The following CNIH3 variants were observed in gnomAD, a reference collection of about 807,000 sequenced individuals.
The protein encoded by CNIH3 is protein cornichon homolog 3.
A neutral mutation model predicts 24.1 loss-of-function variants in CNIH3; 14 were observed. That is an observed-to-expected ratio of 0.58 (90% CI 0.38 to 0.91). The LOEUF is 0.91. Among genes scored for constraint, CNIH3 ranks in the 40% least tolerant of loss-of-function variants. CNIH3 has a pLI of 0.00. For synonymous variants in CNIH3, 68 were observed against 73.8 expected, an observed-to-expected ratio of 0.92 and a Z score of 0.40; for missense variants, 178 against 196.8, an observed-to-expected ratio of 0.90 and a Z score of 0.57.
At chr1:224,691,972 A>G (rs1463112054) in intron 3 of CNIH3, among the ~76,000 whole-genome samples, 3 of 152,198 alleles carry the variant, frequency 2.0e-5, no homozygotes, top group South Asian at 2.1e-4. Flanking sequence ...AGAAAGATCT[A>G]TGTTGCTTTG....
intron 1 of CNIH3, among the ~76,000 whole-genome samples, chr1:224,520,753 C>G (rs1678591582): frequency 6.6e-6 from 1 of 152,164 alleles, no homozygotes; most frequent in Non-Finnish European, 1.5e-5. Context: ...TGACTGAACT[C>G]CTGCTTATTC....
intron 1 of CNIH3, among the ~76,000 whole-genome samples, chr1:224,439,617 A>G (rs1056426478): frequency 6.6e-6 from 1 of 151,732 alleles, no homozygotes; most frequent in African/African-American, 2.4e-5. Context: ...ACTTTTATTT[A>G]TATATTTATT....
At chr1:224,523,108 G>C (rs1678705910) in intron 2 of CNIH3, among the ~76,000 whole-genome samples, 1 of 152,048 alleles carries the variant, frequency 6.6e-6, no homozygotes, top group African/African-American at 2.4e-5. Context: ...GCATGGTACT[G>C]TGTACTTGTA....
Position 224,470,744 on chromosome 1 carries a change from C to T in CNIH3, n.203+35882C>T, listed in dbSNP as rs146879566. ...AAGCGCTGGGTTTACAGGCACAAGC[C>T]ACCATGCCTGGCCATCTCTTTCAGT... On this transcript the variant is annotated intron_variant and non_coding_transcript_variant, in intron 1 of 5. Transcript: ENST00000471578. Among the ~76,000 whole-genome samples the T allele has an allele frequency of 1.1e-4, 17 of 152,322 alleles. No homozygotes were observed. The East Asian group carries it at 2.3e-3, about 21-fold the overall frequency.
intron 5 of CNIH3, among the ~76,000 whole-genome samples, 157 bp from the exon 6 acceptor site, chr1:224,739,172 T>A (rs537936297): frequency 6.6e-6 from 1 of 151,850 alleles, no homozygotes; most frequent in East Asian, 1.9e-4. Context: ...GGCACAGTAG[T>A]GGAGTTGGCG....
intron 4 of CNIH3, among the ~76,000 whole-genome samples, chr1:224,580,742 G>A (rs569018338): frequency 4.6e-5 from 7 of 151,556 alleles, no homozygotes; most frequent in African/African-American, 1.2e-4. Flanking sequence ...CAGGAGAATC[G>A]CTTGAACCAG....
chr1:224,617,557 C>T (rs1373998300), intron 1 of CNIH3, among the ~76,000 whole-genome samples: 15 of 152,360 alleles, frequency 9.8e-5, no homozygotes, highest in Non-Finnish European at 1.5e-5. Context: ...CTTCCTCTCC[C>T]GCCCCGTCCT....
chr1:224,607,727 G>A (rs965198082), intron 3 of CNIH3, among the ~76,000 whole-genome samples: 4 of 152,062 alleles, frequency 2.6e-5, no homozygotes, highest in African/African-American at 4.8e-5. Flanking sequence ...TAAAAGTCTC[G>A]GGGCCTACAA....
chr1:224,572,056 G>T (rs183549667), intron 4 of CNIH3, among the ~76,000 whole-genome samples: 1 of 152,200 alleles, frequency 6.6e-6, no homozygotes, highest in African/African-American at 2.4e-5. Context: ...TTATAGGGAG[G>T]TGGTCGCCAG....
At chr1:224,600,437 C>G (rs1217782565) in intron 3 of CNIH3, among the ~76,000 whole-genome samples, 18 of 152,190 alleles carry the variant, frequency 1.2e-4, no homozygotes, top group Admixed American at 1.2e-3. Flanking sequence ...GGTGACCTGC[C>G]TGCCTTGGCC....
chr1:224,521,986 G>A (rs769225389), intron 2 of CNIH3, among the ~76,000 whole-genome samples: 3 of 152,180 alleles, frequency 2.0e-5, no homozygotes, highest in Non-Finnish European at 4.4e-5. Flanking sequence ...AGGCAATAAA[G>A]TTCTCCTATC....
In CNIH3 at chr1:224,516,045, G is replaced by A. The variant is rs908589338; in HGVS notation, n.15+169G>A. On this transcript the variant is annotated intron_variant and non_coding_transcript_variant, in intron 1 of 2. Coordinates refer to the CNIH3 transcript ENST00000470602. ...AAAAATCCATGAACTGCCCAGGCGC[G>A]GTGGCTTACCCCTGTAATCCCAGCA... Among the ~76,000 whole-genome samples the A allele has an allele frequency of 2.0e-5, 3 of 152,086 alleles. No homozygotes were observed. In the East Asian group the frequency reaches 5.8e-4, roughly 29 times the overall value.
rs914324464 is a variant in CNIH3, at chr1:224,604,747, C to T, written n.402+38483C>T. On this transcript the variant is annotated intron_variant and non_coding_transcript_variant, in intron 3 of 7. Transcript: ENST00000478120. The surrounding 1 kb of genome is among the most constrained non-coding windows in gnomAD (Gnocchi z 4.4). ...CCTTGCCGGTGACACCTGGCCCAGG[C>T]GTCACTTGGCCATGCTGACATGCCC... Among the ~76,000 whole-genome samples the T allele has an allele frequency of 1.5e-4, 23 of 152,280 alleles. No homozygotes were observed. The highest frequency in any genetic ancestry group is 2.9e-4 in the African/African-American group (12 of 41,552).
intron 3 of CNIH3, among the ~76,000 whole-genome samples, chr1:224,728,655 G>A (rs1572827502): frequency 1.3e-5 from 2 of 152,314 alleles, no homozygotes; most frequent in East Asian, 3.9e-4. Context: ...CTCTGTGTCT[G>A]CCATCTGGGG....
intron 3 of CNIH3, among the ~76,000 whole-genome samples, chr1:224,693,749 G>A (rs1187074886): frequency 6.6e-6 from 1 of 152,224 alleles, no homozygotes; most frequent in Non-Finnish European, 1.5e-5. Flanking sequence ...AAATTCCTAT[G>A]CTAGGATCGT....
chr1:224,739,221 G>A (rs1000618494), intron 5 of CNIH3, 108 bp from the exon 6 acceptor site: 25 of 1,519,938 alleles, frequency 1.6e-5, no homozygotes, highest in East Asian at 2.4e-5. Context: ...AAGCCAAGGG[G>A]TCTGGCCTCT....
chr1:224,492,834 A>AT (rs1388371621), intron 1 of CNIH3, among the ~76,000 whole-genome samples: 1 of 152,082 alleles, frequency 6.6e-6, no homozygotes, highest in Non-Finnish European at 1.5e-5. Flanking sequence ...TTTATTGCAT[A>AT]TTTTTTTGAC....
At chr1:224,544,940 G>T (rs1425915113) in intron 2 of CNIH3, among the ~76,000 whole-genome samples, 1 of 152,154 alleles carries the variant, frequency 6.6e-6, no homozygotes, top group Non-Finnish European at 1.5e-5. Flanking sequence ...CAGGCTTCTG[G>T]CCTGAGGGAG....
intron 3 of CNIH3, among the ~76,000 whole-genome samples, chr1:224,609,497 T>C (rs1682585466): frequency 6.6e-6 from 1 of 152,082 alleles, no homozygotes; most frequent in African/African-American, 2.4e-5. Context: ...GAGAACTTGG[T>C]GAGCTGGATT....
Sources: allele counts gnomAD v4.1 joint callset (sites outside exome capture counted in the v4.1 genomes callset), GRCh38; gene constraint gnomAD v4.1.1; non-coding constraint Gnocchi (gnomAD v3.1); transcripts MANE v1.5; gene names NCBI Gene and HGNC (gene_info 2026-07-23, HGNC 2026-07-21).